Variants in ARHGAP20 observed in about 807,000 individuals in gnomAD.
ARHGAP20 encodes Rho GTPase activating protein 20.
ARHGAP20 carries 34 observed loss-of-function variants against 73.7 expected under a neutral mutation model. That is an observed-to-expected ratio of 0.46 (90% CI 0.35 to 0.61). The LOEUF is 0.61. Ranked by LOEUF, ARHGAP20 falls within the 20% of genes least tolerant of loss-of-function variation. The probability of loss-of-function intolerance (pLI) is 0.00; values close to 1 mark genes in which losing one functional copy is unlikely to be tolerated. For synonymous variants in ARHGAP20, 523 were observed against 518.2 expected, an observed-to-expected ratio of 1.01 and a Z score of -0.13; for missense variants, 1,314 against 1,420.9, an observed-to-expected ratio of 0.92 and a Z score of 1.21.
intron 2 of ARHGAP20, among the ~76,000 whole-genome samples, chr11:110,631,266 A>C (rs1172409959): frequency 6.6e-6 from 1 of 152,158 alleles, no homozygotes; most frequent in Non-Finnish European, 1.5e-5. Context: ...TGACAAATGT[A>C]CTTATCTGTG....
At chr11:110,643,115 G>C (rs184349431) in intron 2 of ARHGAP20, among the ~76,000 whole-genome samples, 30 of 152,044 alleles carry the variant, frequency 2.0e-4, no homozygotes, top group African/African-American at 7.2e-4. Flanking sequence ...TGTGAGATTG[G>C]TTGTAACATC....
chr11:110,692,839 A>G (rs1332045537), intron 1 of ARHGAP20, among the ~76,000 whole-genome samples: 2 of 152,004 alleles, frequency 1.3e-5, no homozygotes, highest in African/African-American at 4.8e-5. Flanking sequence ...ATGAGGAGAA[A>G]CATGGAATGA....
chr11:110,681,718 A>T (rs1465790553), intron 2 of ARHGAP20, among the ~76,000 whole-genome samples: 1 of 152,186 alleles, frequency 6.6e-6, no homozygotes, highest in African/African-American at 2.4e-5. Context: ...GAGTAGGACA[A>T]TGTGAGCATG....
chr11:110,648,240 A>AATATATATATGTAAAT, intron 2 of ARHGAP20, among the ~76,000 whole-genome samples: 1 of 92,728 alleles, frequency 1.1e-5, no homozygotes, highest in African/African-American at 3.7e-5. Context: ...TATATATGTA[A>AATATATATATGTAAAT]ATATATATAT....
chr11:110,648,979 T>C (rs115060944), intron 2 of ARHGAP20, among the ~76,000 whole-genome samples: 2,768 of 152,242 alleles, frequency 0.018, 81 homozygotes, highest in African/African-American at 0.062. Flanking sequence ...AAGTTTTAGA[T>C]AGGGCTGCCT....
At chr11:110,658,644 G>T (rs1052227315) in intron 2 of ARHGAP20, among the ~76,000 whole-genome samples, 1 of 152,112 alleles carries the variant, frequency 6.6e-6, no homozygotes, top group Non-Finnish European at 1.5e-5. Flanking sequence ...ACAAGGTAGA[G>T]TTTAGCCCAG....
At chr11:110,692,077 T>G (rs921235868) in intron 1 of ARHGAP20, among the ~76,000 whole-genome samples, 1 of 152,154 alleles carries the variant, frequency 6.6e-6, no homozygotes, top group African/African-American at 2.4e-5. Flanking sequence ...ACTGGTGATT[T>G]CAATAACCTA....
intron 6 of ARHGAP20, among the ~76,000 whole-genome samples, chr11:110,612,076 G>A (rs1216499209): frequency 1.3e-5 from 2 of 152,062 alleles, no homozygotes; most frequent in Non-Finnish European, 2.9e-5. Context: ...ATCTGTAATA[G>A]CTCTGTGCTA....
Position 110,580,423 on chromosome 11 carries a change from T to A in ARHGAP20, c.2523A>T (p.Thr841=). ...TGTTGGGCTCTGAGCAGCGCCGATG[T>A]GTCCTTGGACCCTTGAGGGCATCTG... ...HTADALKGPR[T]HRRCSEPNIE... The change falls in exon 15 of 15, where the codon ACA becomes ACT. Residue 841 remains threonine, a synonymous_variant. Coordinates refer to ENST00000683387, the MANE Select transcript of ARHGAP20 (RefSeq NM_001384657.1). The A allele has an allele frequency of 6.2e-7, 1 of 1,614,202 alleles. No homozygotes were observed. Among genetic ancestry groups the A allele is most frequent in the Non-Finnish European group, 8.5e-7 (1 of 1,180,030 alleles).
intron 4 of ARHGAP20, among the ~76,000 whole-genome samples, chr11:110,623,470 C>A (rs1270908248): frequency 6.6e-6 from 1 of 152,186 alleles, no homozygotes; most frequent in Non-Finnish European, 1.5e-5. Flanking sequence ...CCAACCCCAT[C>A]CTAGCATAGG....
At chr11:110,674,063 C>A (rs762636786) in intron 2 of ARHGAP20, among the ~76,000 whole-genome samples, 1 of 151,946 alleles carries the variant, frequency 6.6e-6, no homozygotes, top group Non-Finnish European at 1.5e-5. Flanking sequence ...CTCAGCCTTC[C>A]GAGCAGCTGA....
intron 1 of ARHGAP20, among the ~76,000 whole-genome samples, chr11:110,704,596 C>G (rs1950519040): frequency 6.6e-6 from 1 of 152,312 alleles, no homozygotes; most frequent in Non-Finnish European, 1.5e-5. Context: ...CTACAAGCCT[C>G]ATTATTGATG....
At chr11:110,625,227 CG>C (rs1948717724) in intron 3 of ARHGAP20, among the ~76,000 whole-genome samples, 1 of 150,620 alleles carries the variant, frequency 6.6e-6, no homozygotes, top group Admixed American at 6.6e-5. Flanking sequence ...TTAGTAGAGA[CG>C]GGGTTTCACC....
At chr11:110,645,237 T>C (rs1431663775) in intron 2 of ARHGAP20, among the ~76,000 whole-genome samples, 1 of 152,104 alleles carries the variant, frequency 6.6e-6, no homozygotes, top group Non-Finnish European at 1.5e-5. Flanking sequence ...CTTCAACTCC[T>C]GCATCAAGTC....
chr11:110,653,213 T>C (rs1949394108), intron 2 of ARHGAP20, among the ~76,000 whole-genome samples: 1 of 151,976 alleles, frequency 6.6e-6, no homozygotes, highest in East Asian at 1.9e-4. Context: ...AAAGCGAAAA[T>C]TGATAAGTGG....
rs146381560 is a variant in ARHGAP20 at position 110,674,147 on chromosome 11, G to A, written c.188+16400C>T. 9.8e-3 allele frequency among the ~76,000 whole-genome samples: 1,494 copies of A among 152,086 alleles called. 8 individuals carry two copies. The highest frequency in any genetic ancestry group is 0.013 in the Non-Finnish European group (912 of 67,974). ...GATGGGGTTTCACCATGTTGGCCAGGATGTTCTCGATCTCTTGACCTCATG... is the reference window on the plus strand; with the variant it reads ...GATGGGGTTTCACCATGTTGGCCAGAATGTTCTCGATCTCTTGACCTCATG... On this transcript the variant is annotated intron_variant, in intron 2 of 14. Transcript: ENST00000683387.
intron 2 of ARHGAP20, among the ~76,000 whole-genome samples, chr11:110,685,280 T>C (rs1170070434): frequency 6.6e-6 from 1 of 152,138 alleles, no homozygotes; most frequent in African/African-American, 2.4e-5. Flanking sequence ...GCTCAGAGTC[T>C]TAACACAAGG....
Position 110,578,295 on chromosome 11 carries a change from T to G in ARHGAP20, c.*1075A>C. ...CTGGCAGCCACTTTGTTGGGTATTC[T>G]ATTGTGGGACTCCTTATAACCGGCC... On this transcript the variant is annotated 3_prime_UTR_variant, in exon 15 of 15. Coordinates refer to ENST00000683387, the MANE Select transcript of ARHGAP20 (RefSeq NM_001384657.1). 1 of 985,472 alleles carries G rather than the reference T, an allele frequency of 1.0e-6. No homozygotes were observed. The highest frequency in any genetic ancestry group is 1.2e-6 in the Non-Finnish European group (1 of 829,932). 61.0% of individuals were successfully genotyped at this position (985,472 alleles called of 1,614,324 possible).
At chr11:110,614,494 T>C in intron 6 of ARHGAP20, 67 bp downstream of exon 6, 2 of 1,429,334 alleles carry the variant, frequency 1.4e-6, no homozygotes, top group Non-Finnish European at 2.0e-6. Context: ...CTCTCTCTCT[T>C]CTTATCCGTA....
Sources: gnomAD v4.1 joint callset for allele counts (sites outside exome capture counted in the v4.1 genomes callset) on GRCh38, gnomAD v4.1.1 for gene constraint, MANE v1.5 for transcripts, NCBI Gene and HGNC (gene_info 2026-07-23, HGNC 2026-07-21) for gene names.